Variants in CDH13 observed in about 807,000 individuals in gnomAD.
CDH13 encodes cadherin-13.
Under a neutral mutation model 63.8 loss-of-function variants are expected in CDH13, and 24 were observed. The ratio of observed to expected loss-of-function variants is 0.38; its 90% CI spans 0.27 to 0.53. The LOEUF (loss-of-function observed/expected upper bound fraction) is 0.53, where lower values mean the gene tolerates loss of function less well. Ranked by LOEUF, CDH13 falls within the 20% of genes least tolerant of loss-of-function variation. CDH13 has a pLI of 0.85. For missense variants in CDH13, 1,049 were observed against 903.1 expected, an observed-to-expected ratio of 1.16 and a Z score of -2.07; for synonymous variants, 503 against 355.3, an observed-to-expected ratio of 1.42 and a Z score of -4.67.
At chr16:82,813,795 C>T (rs1198277622) in intron 1 of CDH13, among the ~76,000 whole-genome samples, 1 of 152,166 alleles carries the variant, frequency 6.6e-6, no homozygotes, top group African/African-American at 2.4e-5. Flanking sequence ...ACTAACTGTG[C>T]CATTTTGGCG....
At chr16:83,649,134 G>T (rs180928537) in intron 8 of CDH13, among the ~76,000 whole-genome samples, 1 of 152,300 alleles carries the variant, frequency 6.6e-6, no homozygotes, top group African/African-American at 2.4e-5. Context: ...TTCCCCTCAG[G>T]TGTGGCAGTG....
intron 5 of CDH13, among the ~76,000 whole-genome samples, chr16:83,301,177 G>A (rs567353090): frequency 4.8e-4 from 73 of 151,478 alleles, no homozygotes; most frequent in Non-Finnish European, 8.4e-4. Flanking sequence ...GACTACAGGC[G>A]CCCACCACCA....
intron 1 of CDH13, among the ~76,000 whole-genome samples, chr16:82,695,505 T>G (rs963995255): frequency 1.3e-5 from 2 of 152,164 alleles, no homozygotes; most frequent in Non-Finnish European, 2.9e-5. Flanking sequence ...GGACTTCACC[T>G]CTTGTCTGTC....
chr16:82,641,356 C>T (rs1217507364), intron 1 of CDH13, among the ~76,000 whole-genome samples: 1 of 152,144 alleles, frequency 6.6e-6, no homozygotes, highest in Non-Finnish European at 1.5e-5. Flanking sequence ...AGGATATGCC[C>T]TGGGTAGGGT....
At position 82,691,679 on chromosome 16, in the gene CDH13, C is replaced by T. The variant is rs536601945; in HGVS notation, c.45+64542C>T. 3.3e-5 allele frequency among the ~76,000 whole-genome samples: 5 copies of T among 152,222 alleles called. No homozygotes were observed. The South Asian group carries it at 6.2e-4, about 19-fold the overall frequency. ...TTGTACTATTAGGGATGGTGACTTC[C>T]AGAAGCTGACTGTGATAACCTTTCC... On this transcript the variant is annotated intron_variant, in intron 1 of 13. Coordinates refer to ENST00000567109, the MANE Select transcript of CDH13 (RefSeq NM_001257.5).
At chr16:82,738,650 T>G (rs898698535) in intron 1 of CDH13, among the ~76,000 whole-genome samples, 1 of 152,268 alleles carries the variant, frequency 6.6e-6, no homozygotes, top group Non-Finnish European at 1.5e-5. Flanking sequence ...CCTGACCTCA[T>G]GCCAGTATCT....
In CDH13 at chr16:83,795,111, CGGTTTACA is replaced by C; in HGVS notation, c.*83_*90del. 8.0e-7 allele frequency: 1 copy of C among 1,244,296 alleles called. No homozygotes were observed. The highest frequency in any genetic ancestry group is 2.5e-5 in the East Asian group (1 of 39,606). The allele number at this position is 1,244,296 out of a possible 1,614,324, so 77.1% of individuals were successfully genotyped here. A position where few individuals can be genotyped will look rare whatever the true frequency, so the allele number is the denominator to read the frequency against. ...AAAATCTATCCAAATCTGAAGATTGCGGTTTACAGCTATCGAACTTCACAACTAGGCCT... is the reference window on the plus strand; with the variant it reads ...AAAATCTATCCAAATCTGAAGATTGCGCTATCGAACTTCACAACTAGGCCT... On this transcript the variant is annotated 3_prime_UTR_variant, in exon 14 of 14. Coordinates refer to ENST00000567109, the MANE Select transcript of CDH13 (RefSeq NM_001257.5).
intron 5 of CDH13, among the ~76,000 whole-genome samples, chr16:83,300,849 C>T (rs1451705631): frequency 2.6e-5 from 4 of 151,954 alleles, no homozygotes; most frequent in Non-Finnish European, 5.9e-5. Flanking sequence ...TTTAGAACAT[C>T]CTGGGAAGGA....
intron 1 of CDH13, among the ~76,000 whole-genome samples, chr16:82,804,429 T>C (rs2037044035): frequency 6.6e-6 from 1 of 152,174 alleles, no homozygotes; most frequent in Non-Finnish European, 1.5e-5. Context: ...ACATATCAAA[T>C]TGTATACATT....
In CDH13 at chr16:83,181,080, G is replaced by T. The variant is rs1030503323; in HGVS notation, c.484-36265G>T. ...ACAGAATGATGTGTTTAAATAAATT[G>T]TCCTGTTGACTGAATTTTGATCACA... is the stretch of plus-strand genomic sequence containing the variant. On this transcript the variant is annotated intron_variant, in intron 4 of 13. Transcript: ENST00000567109. 3.0e-6 allele frequency: 4 copies of T among 1,340,472 alleles called. No individual in the cohort carries two copies. In the African/African-American group the frequency reaches 5.9e-5, roughly 20 times the overall value. The allele number at this position is 1,340,472 out of a possible 1,614,324, so 83.0% of individuals were successfully genotyped here.
rs148723705 is a variant in CDH13 at position 83,579,358 on chromosome 16, G to C, written c.961-23096G>C. On this transcript the variant is annotated intron_variant, in intron 7 of 13. Coordinates refer to ENST00000567109, the MANE Select transcript of CDH13 (RefSeq NM_001257.5). ...TATATAAAGAAAAGAGGTTTAATTG[G>C]CTCACAGTTCCACAGGCTGTACGGG... is the stretch of plus-strand genomic sequence containing the variant. Among the ~76,000 whole-genome samples, 42 of 152,248 alleles carry C rather than the reference G, an allele frequency of 2.8e-4. 1 individual carries two copies. Among genetic ancestry groups the C allele is most frequent in the East Asian group, 2.3e-3 (12 of 5,184 alleles).
intron 7 of CDH13, among the ~76,000 whole-genome samples, chr16:83,546,639 C>T (rs1385570278): frequency 2.0e-5 from 3 of 152,116 alleles, no homozygotes; most frequent in Non-Finnish European, 2.9e-5. Context: ...TCAAATTCAC[C>T]TCCTATTCTG....
chr16:82,948,636 T>G (rs1033757510), intron 2 of CDH13, among the ~76,000 whole-genome samples: 5 of 152,206 alleles, frequency 3.3e-5, no homozygotes, highest in Admixed American at 6.5e-5. Context: ...ACAGAGTTGT[T>G]CCAGGACACA....
At chr16:83,399,282 T>C (rs988417810) in intron 6 of CDH13, among the ~76,000 whole-genome samples, 1 of 152,252 alleles carries the variant, frequency 6.6e-6, no homozygotes, top group Admixed American at 6.5e-5. Context: ...TGATGATCAA[T>C]TAAGAGTACT....
intron 2 of CDH13, among the ~76,000 whole-genome samples, chr16:82,936,621 G>A (rs570171950): frequency 3.4e-4 from 52 of 152,268 alleles, no homozygotes; most frequent in African/African-American, 1.2e-3. Context: ...TGAGGACTGA[G>A]AATTTGCATT....
At position 83,646,710 on chromosome 16, in the gene CDH13, A is replaced by AC. The variant is rs1555507964; in HGVS notation, c.1102-24080_1102-24079insC. Among the ~76,000 whole-genome samples the AC allele has an allele frequency of 4.1e-3, 314 of 76,648 alleles. 2 individuals carry two copies. Among genetic ancestry groups the AC allele is most frequent in the Middle Eastern group, 0.036 (6 of 168 alleles). The allele number at this position is 76,648 out of a possible 152,430, so 50.3% of individuals were successfully genotyped here. A position where few individuals can be genotyped will look rare whatever the true frequency, so the allele number is the denominator to read the frequency against. ...TCCGTCTCAAAAAAAAAAAAAAAAA[A>AC]AAACACACACACACACACACACACA... On this transcript the variant is annotated intron_variant, in intron 8 of 13. Coordinates refer to ENST00000567109, the MANE Select transcript of CDH13 (RefSeq NM_001257.5).
intron 4 of CDH13, among the ~76,000 whole-genome samples, chr16:83,205,547 GAA>G (rs1409749412): frequency 6.7e-6 from 1 of 149,794 alleles, no homozygotes; most frequent in Admixed American, 6.7e-5. Flanking sequence ...TTGAATGCAA[GAA>G]AAGAAGTTGA....
chr16:82,753,904 AG>A (rs2034516790), intron 1 of CDH13, among the ~76,000 whole-genome samples: 1 of 152,194 alleles, frequency 6.6e-6, no homozygotes, highest in African/African-American at 2.4e-5. Context: ...CATATGTTAA[AG>A]TTCCATGAAC....
At chr16:82,870,467 A>T (rs1007414338) in intron 2 of CDH13, among the ~76,000 whole-genome samples, 1 of 152,220 alleles carries the variant, frequency 6.6e-6, no homozygotes, top group African/African-American at 2.4e-5. Flanking sequence ...ACTGCTGGAT[A>T]TATATCTAAA....
Sources: allele counts gnomAD v4.1 joint callset (sites outside exome capture counted in the v4.1 genomes callset), GRCh38; gene constraint gnomAD v4.1.1; transcripts MANE v1.5; gene names NCBI Gene and HGNC (gene_info 2026-07-23, HGNC 2026-07-21).